The following TMEM200A variants were observed in gnomAD, a reference collection of about 807,000 sequenced individuals.
The protein encoded by TMEM200A is transmembrane protein 200A, also known as two transmembrane C.
A neutral mutation model predicts 24.3 loss-of-function variants in TMEM200A; 12 were observed. That is an observed-to-expected ratio of 0.49 (90% confidence interval 0.32 to 0.80). The LOEUF (loss-of-function observed/expected upper bound fraction) is 0.80, where lower values mean the gene tolerates loss of function less well. TMEM200A is among the 30% of genes least tolerant of loss of function. The pLI, the probability that TMEM200A is intolerant of heterozygous loss-of-function variation, is 0.04. For synonymous variants in TMEM200A, 224 were observed against 224.4 expected, an observed-to-expected ratio of 1.00 and a Z score of 0.02; for missense variants, 545 against 614.4, an observed-to-expected ratio of 0.89 and a Z score of 1.19.
Position 130,441,780 on chromosome 6 carries a change from A to T in TMEM200A, c.1358A>T (p.Asp453Val), listed in dbSNP as rs1012367366. The T allele has an allele frequency of 1.9e-6, 3 of 1,614,114 alleles. No individual in the cohort carries two copies. Among genetic ancestry groups the T allele is most frequent in the Non-Finnish European group, 1.7e-6 (2 of 1,179,978 alleles). The change falls in exon 3 of 3, where the codon GAC (aspartate) becomes GTC (valine). Residue 453 changes from aspartate to valine, a missense_variant. Transcript: ENST00000296978. The part of the protein sequence containing the change: ...LLVPQVAIKK[D>V]FTNKEKLLMI... ...GTGCCCCAAGTTGCCATCAAAAAGG[A>T]CTTTACCAATAAGGAGAAGCTTCTT...
intron 2 of TMEM200A, among the ~76,000 whole-genome samples, chr6:130,385,662 A>C (rs1283732201): frequency 6.6e-6 from 1 of 152,166 alleles, no homozygotes; most frequent in African/African-American, 2.4e-5. Context: ...TGTAATTTCA[A>C]AATTACATTT....
At chr6:130,412,605 G>T (rs1779358316) in intron 2 of TMEM200A, among the ~76,000 whole-genome samples, 1 of 152,100 alleles carries the variant, frequency 6.6e-6, no homozygotes, top group African/African-American at 2.4e-5. Flanking sequence ...CCCCACTAGG[G>T]CTACCACCCC....
At chr6:130,385,750 A>T (rs545033358) in intron 2 of TMEM200A, among the ~76,000 whole-genome samples, 5 of 152,326 alleles carry the variant, frequency 3.3e-5, no homozygotes, top group African/African-American at 1.2e-4. Context: ...GAAAACTTCT[A>T]AGAGTCTGAG....
At chr6:130,415,600 G>A (rs774260544) in intron 2 of TMEM200A, among the ~76,000 whole-genome samples, 2 of 152,054 alleles carry the variant, frequency 1.3e-5, no homozygotes, top group Non-Finnish European at 2.9e-5. Context: ...CCCTACTTTC[G>A]TCGTTTACTA....
At chr6:130,390,307 G>A (rs7773902) in intron 2 of TMEM200A, among the ~76,000 whole-genome samples, 8,367 of 152,220 alleles carry the variant, frequency 0.055, 763 homozygotes, top group African/African-American at 0.19. Flanking sequence ...GAAGCATTCC[G>A]AAGTTGTAAA....
chr6:130,373,364 C>G (rs1417311138), intron 1 of TMEM200A, among the ~76,000 whole-genome samples: 1 of 152,160 alleles, frequency 6.6e-6, no homozygotes, highest in Non-Finnish European at 1.5e-5. Flanking sequence ...GAAAATTTGC[C>G]TGTAATCCTA....
intron 1 of TMEM200A, among the ~76,000 whole-genome samples, chr6:130,381,400 G>T (rs1226894806): frequency 6.6e-6 from 1 of 152,138 alleles, no homozygotes; most frequent in Non-Finnish European, 1.5e-5. Flanking sequence ...TTAAATCTGT[G>T]CCTTTGGGTG....
At chr6:130,402,957 C>G (rs1290518343) in intron 2 of TMEM200A, among the ~76,000 whole-genome samples, 1 of 152,056 alleles carries the variant, frequency 6.6e-6, no homozygotes, top group Non-Finnish European at 1.5e-5. Context: ...TTTATGCCCC[C>G]ATATCACTTT....
chr6:130,385,793 T>TGCTATGTAATCTCAC (rs1778699553), intron 2 of TMEM200A, among the ~76,000 whole-genome samples: 1 of 152,018 alleles, frequency 6.6e-6, no homozygotes, highest in Non-Finnish European at 1.5e-5. Context: ...TGTAATCTCA[T>TGCTATGTAATCTCAC]ATTATTTTAC....
chr6:130,429,341 G>A (rs1779821089), intron 2 of TMEM200A, among the ~76,000 whole-genome samples: 1 of 152,108 alleles, frequency 6.6e-6, no homozygotes, highest in Non-Finnish European at 1.5e-5. Flanking sequence ...GGCCAACATG[G>A]TGAAACCCCA....
intron 2 of TMEM200A, among the ~76,000 whole-genome samples, chr6:130,407,134 T>C (rs1034840065): frequency 6.6e-6 from 1 of 152,098 alleles, no homozygotes; most frequent in African/African-American, 2.4e-5. Context: ...TCTGGAAGTC[T>C]TGTGGTGCTG....
intron 2 of TMEM200A, among the ~76,000 whole-genome samples, chr6:130,411,855 T>C (rs1353123454): frequency 1.3e-5 from 2 of 152,200 alleles, no homozygotes; most frequent in Non-Finnish European, 2.9e-5. Flanking sequence ...CTGCATGATA[T>C]TTTCCATTTT....
At chr6:130,384,211 C>T (rs956852065) in intron 1 of TMEM200A, among the ~76,000 whole-genome samples, 8 of 152,092 alleles carry the variant, frequency 5.3e-5, no homozygotes, top group Admixed American at 3.9e-4. Context: ...ATAAGCTTAC[C>T]GTTTGTGAAT....
chr6:130,406,559 C>T (rs375869059), intron 2 of TMEM200A, among the ~76,000 whole-genome samples: 2 of 152,166 alleles, frequency 1.3e-5, no homozygotes, highest in South Asian at 2.1e-4. Flanking sequence ...TATGTTAATA[C>T]ATGTGACAGT....
chr6:130,420,104 T>C (rs1045008852), intron 2 of TMEM200A, among the ~76,000 whole-genome samples: 6 of 152,220 alleles, frequency 3.9e-5, no homozygotes, highest in Non-Finnish European at 7.3e-5. Context: ...ACATTGGTCA[T>C]TAACTTTCAA....
chr6:130,440,919 C>T lies in TMEM200A; in HGVS notation c.497C>T (p.Thr166Ile), dbSNP rs761390006. The change falls in exon 3 of 3, where the codon ACA becomes ATA. Residue 166 changes from threonine to isoleucine, a missense_variant. Physicochemically the swap from Thr to Ile is moderately conservative, Grantham distance 89. Transcript: ENST00000296978. ...ATACACATGAGGGATATCTATTCCA[C>T]AGTCATTGACATTCACACGCTAAGA... ...KIIHMRDIYS[T>I]VIDIHTLRIK... 2.0e-5 allele frequency: 32 copies of T among 1,614,044 alleles called. 1 individual carries two copies. In the South Asian group the frequency reaches 3.5e-4, roughly 18 times the overall value.
At chr6:130,413,357 C>A (rs2761261) in intron 2 of TMEM200A, among the ~76,000 whole-genome samples, 1 of 152,154 alleles carries the variant, frequency 6.6e-6, no homozygotes, top group African/African-American at 2.4e-5. Flanking sequence ...GCACCTGTAG[C>A]CAGTGTCTGT....
At chr6:130,429,688 T>C (rs1055580029) in intron 2 of TMEM200A, among the ~76,000 whole-genome samples, 1 of 152,182 alleles carries the variant, frequency 6.6e-6, no homozygotes, top group Admixed American at 6.5e-5. Context: ...ATGTTTTAAA[T>C]ATAATCTTAG....
intron 2 of TMEM200A, among the ~76,000 whole-genome samples, chr6:130,432,836 G>T (rs550204483): frequency 6.6e-6 from 1 of 152,230 alleles, no homozygotes; most frequent in Admixed American, 6.5e-5. Context: ...AATCCTACAG[G>T]TACTGTTACT....
Sources: allele counts gnomAD v4.1 joint callset (sites outside exome capture counted in the v4.1 genomes callset), GRCh38; gene constraint gnomAD v4.1.1; transcripts MANE v1.5; gene names NCBI Gene and HGNC (gene_info 2026-07-23, HGNC 2026-07-21).